MMP16: variants seen among roughly 807,000 people sequenced by gnomAD.
The protein encoded by MMP16 is matrix metalloproteinase-16.
Under a neutral mutation model 67.8 loss-of-function variants are expected in MMP16, and 12 were observed. The observed-to-expected ratio is 0.18, with a 90% CI of 0.11 to 0.29. The LOEUF is 0.29. Ranked by LOEUF, MMP16 falls within the 10% of genes least tolerant of loss-of-function variation. MMP16 has a pLI of 1.00. For synonymous variants in MMP16, 249 were observed against 255.9 expected (o/e 0.97, Z 0.26); for missense variants, 475 against 765.7 (o/e 0.62, Z 4.48).
At chr8:88,049,575 T>G (rs952147921) in intron 8 of MMP16, among the ~76,000 whole-genome samples, 51 of 152,208 alleles carry the variant, frequency 3.4e-4, no homozygotes, top group African/African-American at 1.2e-3. Context: ...TTTACATCTC[T>G]CAACATCAGA....
At chr8:88,272,402 C>T (rs1654788989) in intron 1 of MMP16, among the ~76,000 whole-genome samples, 1 of 151,982 alleles carries the variant, frequency 6.6e-6, no homozygotes, top group African/African-American at 2.4e-5. Flanking sequence ...ATAACAGAAT[C>T]CAGTAAACAG....
intron 1 of MMP16, among the ~76,000 whole-genome samples, chr8:88,259,061 C>A (rs1585983586): frequency 6.6e-6 from 1 of 152,130 alleles, no homozygotes; most frequent in Admixed American, 6.5e-5. Flanking sequence ...CTCCACATTA[C>A]AGATGAAGAA....
intron 6 of MMP16, among the ~76,000 whole-genome samples, chr8:88,114,890 C>T (rs1809402983): frequency 6.6e-6 from 1 of 151,792 alleles, no homozygotes; most frequent in Non-Finnish European, 1.5e-5. Flanking sequence ...AGAGTCTGAT[C>T]CATGTACTTT....
intron 6 of MMP16, among the ~76,000 whole-genome samples, chr8:88,094,361 T>C (rs1177273042): frequency 6.6e-6 from 1 of 151,726 alleles, no homozygotes; most frequent in Non-Finnish European, 1.5e-5. Context: ...TTGATAGTAA[T>C]TAGAAGAGTG....
At chr8:88,083,762 A>C (rs1364230428) in intron 6 of MMP16, among the ~76,000 whole-genome samples, 1 of 152,034 alleles carries the variant, frequency 6.6e-6, no homozygotes, top group African/African-American at 2.4e-5. Flanking sequence ...GGAAAACAGA[A>C]AGAGAAAAAT....
chr8:88,179,806 T>C (rs1430565556), intron 3 of MMP16, among the ~76,000 whole-genome samples: 1 of 151,918 alleles, frequency 6.6e-6, no homozygotes, highest in African/African-American at 2.4e-5. Context: ...CACTTAAAAA[T>C]AACAGTAAAA....
At chr8:88,071,840 A>G (rs944988087) in intron 7 of MMP16, among the ~76,000 whole-genome samples, 2 of 152,178 alleles carry the variant, frequency 1.3e-5, no homozygotes, top group Non-Finnish European at 2.9e-5. Flanking sequence ...AACACACACA[A>G]AAAACAAAGA....
At chr8:88,144,477 T>G (rs558585705) in intron 4 of MMP16, among the ~76,000 whole-genome samples, 1 of 151,866 alleles carries the variant, frequency 6.6e-6, no homozygotes, top group South Asian at 2.1e-4. Flanking sequence ...GGATAATGTA[T>G]ATTATGAAGG....
rs1273999402 is a variant in MMP16 at position 88,034,454 on chromosome 8, T to C, written c.*7007A>G. The C allele has an allele frequency of 1.3e-5, 2 of 152,356 alleles. No homozygotes were observed. Among genetic ancestry groups the C allele is most frequent in the Admixed American group, 6.6e-5 (1 of 15,212 alleles). 9.4% of individuals were successfully genotyped at this position (152,356 alleles called of 1,614,324 possible). The stretch of plus-strand genomic sequence containing the variant: ...ATTGTTTGTTTGGAAGTAATTAAGA[T>C]AGTGAAATTTTGTACTTATGAACAT... On this transcript the variant is annotated 3_prime_UTR_variant, in exon 10 of 10. Coordinates refer to ENST00000286614, the MANE Select transcript of MMP16 (RefSeq NM_005941.5).
intron 1 of MMP16, among the ~76,000 whole-genome samples, chr8:88,280,280 A>T (rs951390590): frequency 1.3e-5 from 2 of 152,216 alleles, no homozygotes; most frequent in East Asian, 3.9e-4. Flanking sequence ...CTTTTTGTCC[A>T]CATAGGGAAC....
At position 88,038,415 on chromosome 8, in the gene MMP16, T is replaced by G. The variant is rs1808083399; in HGVS notation, c.*3046A>C. 1 of 152,496 alleles carries G rather than the reference T, an allele frequency of 6.6e-6. No individual in the cohort carries two copies. The allele number at this position is 152,496 out of a possible 1,614,324, so 9.4% of individuals were successfully genotyped here. A position where few individuals can be genotyped will look rare whatever the true frequency, so the allele number is the denominator to read the frequency against. The stretch of plus-strand genomic sequence containing the variant: ...CCTTCCTTCTTAATGCTATGATTAT[T>G]TTCTAGCCCTTATATACTGATAGCC... On this transcript the variant is annotated 3_prime_UTR_variant, in exon 10 of 10. Coordinates refer to ENST00000286614, the MANE Select transcript of MMP16 (RefSeq NM_005941.5). This position sits in a 1 kb window ranked among gnomAD's most constrained non-coding sequence, Gnocchi z 4.1.
In MMP16 at chr8:88,037,293, A is replaced by G. The variant is rs575188059; in HGVS notation, c.*4168T>C. ...GAGGGAATGAAAATAGGTACACAGT[A>G]TATGAAATGGCCAAATTATGTGTTA... is the stretch of plus-strand genomic sequence containing the variant. On this transcript the variant is annotated 3_prime_UTR_variant, in exon 10 of 10. Transcript: ENST00000286614. The G allele has an allele frequency of 6.6e-6, 1 of 151,770 alleles. No individual in the cohort carries two copies. The highest frequency in any genetic ancestry group is 2.1e-4 in the South Asian group (1 of 4,808). The allele number at this position is 151,770 out of a possible 1,614,324, so 9.4% of individuals were successfully genotyped here.
At position 88,234,250 on chromosome 8, in the gene MMP16, T is replaced by C. The variant is rs564720911; in HGVS notation, c.133-36944A>G. Among the ~76,000 whole-genome samples, 7 of 152,354 alleles carry C rather than the reference T, an allele frequency of 4.6e-5. No homozygotes were observed. The East Asian group carries it at 1.2e-3, about 25-fold the overall frequency. Reference sequence around the variant, plus strand: ...TTATTTAACTAAATCTGTTTATGCATGTGAATTTGTCATTTTGAAACTGTA... The same window carrying C: ...TTATTTAACTAAATCTGTTTATGCACGTGAATTTGTCATTTTGAAACTGTA... On this transcript the variant is annotated intron_variant, in intron 1 of 9. Transcript: ENST00000286614.
intron 6 of MMP16, among the ~76,000 whole-genome samples, chr8:88,093,364 A>G (rs1197679714): frequency 2.0e-5 from 3 of 151,990 alleles, no homozygotes; most frequent in South Asian, 2.1e-4. Flanking sequence ...CTATAAATTG[A>G]TAAGTTGCCA....
At chr8:88,298,287 A>C (rs1312646767) in intron 1 of MMP16, among the ~76,000 whole-genome samples, 1 of 152,228 alleles carries the variant, frequency 6.6e-6, no homozygotes, top group African/African-American at 2.4e-5. Context: ...TAGTGTAAGA[A>C]GGCACATCCA....
intron 4 of MMP16, among the ~76,000 whole-genome samples, chr8:88,161,399 T>A (rs531986506): frequency 6.8e-4 from 104 of 152,316 alleles, no homozygotes; most frequent in African/African-American, 2.3e-3. Flanking sequence ...TGACATCCCC[T>A]TTATCATTTT....
chr8:88,141,904 T>A (rs1808217600), intron 4 of MMP16, among the ~76,000 whole-genome samples: 1 of 151,468 alleles, frequency 6.6e-6, no homozygotes, highest in South Asian at 2.1e-4. Context: ...AACTAAATTT[T>A]ATGCACATAA....
At chr8:88,194,569 G>A (rs1288103040) in intron 2 of MMP16, among the ~76,000 whole-genome samples, 3 of 151,898 alleles carry the variant, frequency 2.0e-5, no homozygotes, top group Non-Finnish European at 4.4e-5. Context: ...CACCTTAAGA[G>A]TAGAGATGCG....
At chr8:88,052,211 A>G (rs917409958) in intron 8 of MMP16, among the ~76,000 whole-genome samples, 2 of 152,146 alleles carry the variant, frequency 1.3e-5, no homozygotes, top group African/African-American at 4.8e-5. Context: ...TAGGCACCTC[A>G]GTCAAGCATG....
Sources: allele counts gnomAD v4.1 joint callset (sites outside exome capture counted in the v4.1 genomes callset), GRCh38; gene constraint gnomAD v4.1.1; non-coding constraint Gnocchi (gnomAD v3.1); transcripts MANE v1.5; gene names NCBI Gene and HGNC (gene_info 2026-07-23, HGNC 2026-07-21).